ADCY8: variants seen among roughly 807,000 people sequenced by gnomAD.
ADCY8 encodes adenylate cyclase 8.
A neutral mutation model predicts 119.7 loss-of-function variants in ADCY8; 51 were observed. The observed-to-expected ratio is 0.43, with a 90% confidence interval of 0.34 to 0.54. ADCY8 has a LOEUF of 0.54. Ranked by LOEUF, ADCY8 falls within the 20% of genes least tolerant of loss-of-function variation. The pLI is 0.03. For missense variants in ADCY8, 1,383 were observed against 1,598.8 expected (o/e 0.87, Z 2.30); for synonymous variants, 665 against 651.0 (o/e 1.02, Z -0.33).
At chr8:130,834,939 T>C (rs1816941333) in intron 12 of ADCY8, among the ~76,000 whole-genome samples, 1 of 152,126 alleles carries the variant, frequency 6.6e-6, no homozygotes, top group Non-Finnish European at 1.5e-5. Flanking sequence ...AGAATAATAC[T>C]AGAGAAAGGA....
At chr8:130,864,041 A>G (rs997430056) in intron 9 of ADCY8, among the ~76,000 whole-genome samples, 1 of 152,082 alleles carries the variant, frequency 6.6e-6, no homozygotes, top group African/African-American at 2.4e-5. Context: ...TTTTTCTGAG[A>G]AAGTATTTTT....
chr8:130,836,153 G>C, intron 12 of ADCY8, 124 bp downstream of exon 12: 2 of 1,090,986 alleles, frequency 1.8e-6, no homozygotes, highest in Non-Finnish European at 2.6e-6. Context: ...TGCCTGATTT[G>C]AGATATAAGT....
chr8:130,859,102 T>C (rs1378412475), intron 9 of ADCY8, among the ~76,000 whole-genome samples: 2 of 152,300 alleles, frequency 1.3e-5, no homozygotes, highest in East Asian at 1.9e-4. Flanking sequence ...GAGTGGTAGA[T>C]GTGCTCATTA....
At chr8:130,783,578 T>A in intron 17 of ADCY8, 113 bp downstream of exon 17, 1 of 670,990 alleles carries the variant, frequency 1.5e-6, no homozygotes, top group Non-Finnish European at 2.6e-6. Context: ...TCATGCTAGA[T>A]CTATTGCATT....
chr8:130,963,050 A>T (rs915110523), intron 2 of ADCY8, among the ~76,000 whole-genome samples: 3 of 152,110 alleles, frequency 2.0e-5, no homozygotes, highest in Non-Finnish European at 4.4e-5. Context: ...TAAGTAAATC[A>T]GGCAACTCAG....
chr8:130,843,341 T>C (rs1448167678), intron 11 of ADCY8, among the ~76,000 whole-genome samples: 1 of 152,184 alleles, frequency 6.6e-6, no homozygotes, highest in Non-Finnish European at 1.5e-5. Context: ...TTTCCTCACA[T>C]GCATGCACTG....
At chr8:130,939,405 C>T (rs990130899) in intron 4 of ADCY8, among the ~76,000 whole-genome samples, 15 of 151,964 alleles carry the variant, frequency 9.9e-5, no homozygotes, top group Non-Finnish European at 1.3e-4. Context: ...TTTGCAGATC[C>T]GAACACTGAG....
chr8:130,943,284 C>G, intron 4 of ADCY8, 67 bp downstream of exon 4: 1 of 1,168,368 alleles, frequency 8.6e-7, no homozygotes. Context: ...GAATCCTTCT[C>G]TTTCCTTATT....
At chr8:130,852,452 G>A (rs1817563789) in intron 9 of ADCY8, among the ~76,000 whole-genome samples, 1 of 152,162 alleles carries the variant, frequency 6.6e-6, no homozygotes, top group Non-Finnish European at 1.5e-5. Context: ...CTGGGCACCA[G>A]GGGGAGATAA....
intron 7 of ADCY8, among the ~76,000 whole-genome samples, chr8:130,897,800 T>G (rs200857459): frequency 1.4e-5 from 1 of 69,088 alleles, no homozygotes; most frequent in East Asian, 4.8e-4. Context: ...ACACACACCA[T>G]ACCACACATA....
chr8:130,854,524 T>C (rs1183665241), intron 9 of ADCY8, among the ~76,000 whole-genome samples: 1 of 152,220 alleles, frequency 6.6e-6, no homozygotes. Flanking sequence ...CTTTAGAATC[T>C]ACAGACTCTA....
chr8:130,989,254 G>C (rs1461982206), intron 2 of ADCY8, among the ~76,000 whole-genome samples: 1 of 152,188 alleles, frequency 6.6e-6, no homozygotes, highest in Non-Finnish European at 1.5e-5. Context: ...CTGGGAGACA[G>C]CAGATGGCAG....
At chr8:130,827,462 G>C (rs1046006033) in intron 12 of ADCY8, among the ~76,000 whole-genome samples, 6 of 152,172 alleles carry the variant, frequency 3.9e-5, no homozygotes, top group Non-Finnish European at 7.3e-5. Context: ...CATCATACCT[G>C]ATCGAACCAA....
At position 130,780,687 on chromosome 8, in the gene ADCY8, G is replaced by C. The variant is rs777523444; in HGVS notation, c.3459C>G (p.Ile1153Met). The C allele has an allele frequency of 6.2e-7, 1 of 1,614,150 alleles. No individual in the cohort carries two copies. The stretch of plus-strand genomic sequence containing the variant: ...CCTGTTCACTGATACCCTTCACATA[G>C]ATCTCCCCTCGGTAATCAAAGGCAA... ...QGFAFDYRGE[I>M]YVKGISEQEG... Residue 1153 changes from isoleucine (I) to methionine (M), a missense_variant, in exon 18 of 18, where the codon ATC becomes ATG. By Grantham distance (10) the Ile-to-Met change is conservative (BLOSUM62 1). Around this residue, in one of 2 missense-constraint regions of ADCY8, gnomAD observed 928 missense variants for 1,163.5 expected, o/e 0.80. Coordinates refer to ENST00000286355, the MANE Select transcript of ADCY8 (RefSeq NM_001115.3).
intron 2 of ADCY8, among the ~76,000 whole-genome samples, chr8:130,979,325 A>G (rs1047893244): frequency 3.3e-5 from 5 of 152,122 alleles, no homozygotes; most frequent in South Asian, 2.1e-4. Context: ...TCTTTTCCCT[A>G]TATTAAGACA....
chr8:130,785,367 C>T lies in ADCY8; in HGVS notation c.3153+16G>A. ...ACCCCACCATGCATTGTGGCTGAGTCCAAAGAGTCCTTTACCTGTTTTTCA... is the reference window on the plus strand; with the variant it reads ...ACCCCACCATGCATTGTGGCTGAGTTCAAAGAGTCCTTTACCTGTTTTTCA... On this transcript the variant is annotated intron_variant, in intron 16 of 17. Transcript: ENST00000286355. 1 of 1,588,736 alleles carries T rather than the reference C, an allele frequency of 6.3e-7. No homozygotes were observed. Among genetic ancestry groups the T allele is most frequent in the Non-Finnish European group, 8.6e-7 (1 of 1,165,190 alleles).
chr8:130,972,302 C>A (rs2130707022), intron 2 of ADCY8, among the ~76,000 whole-genome samples: 1 of 152,228 alleles, frequency 6.6e-6, no homozygotes, highest in Middle Eastern at 3.4e-3. Flanking sequence ...GTATATAGGT[C>A]AATACAGAAA....
intron 15 of ADCY8, among the ~76,000 whole-genome samples, chr8:130,796,626 G>A (rs1459894651): frequency 2.0e-5 from 3 of 151,656 alleles, no homozygotes; most frequent in Non-Finnish European, 4.4e-5. Context: ...AACAAAAAAG[G>A]CAGGTCTGAG....
chr8:130,925,942 G>A (rs948942720), intron 5 of ADCY8, among the ~76,000 whole-genome samples: 19 of 152,106 alleles, frequency 1.2e-4, no homozygotes, highest in Non-Finnish European at 1.9e-4. Flanking sequence ...CCATTCCAGT[G>A]TCAAGGGGAG....
Sources: gnomAD v4.1 joint callset for allele counts (sites outside exome capture counted in the v4.1 genomes callset) on GRCh38, gnomAD v4.1.1 for gene constraint, gnomAD v4.1.1 regional missense constraint, MANE v1.5 for transcripts, NCBI Gene and HGNC (gene_info 2026-07-23, HGNC 2026-07-21) for gene names.